Variants in FAM9C observed in about 807,000 individuals in gnomAD.
The protein encoded by FAM9C is protein FAM9C.
In FAM9C, 15 loss-of-function variants were observed where a neutral mutation model predicts 14.8. The observed-to-expected ratio is 1.02, with a 90% CI of 0.68 to 1.56. The LOEUF is 1.56. Among genes scored for constraint, FAM9C ranks in the 40% most tolerant of loss-of-function variants. The pLI is 0.00. For synonymous variants in FAM9C, 45 were observed against 37.5 expected (o/e 1.20, Z -0.74); for missense variants, 116 against 118.0 (o/e 0.98, Z 0.08).
chrX:13,043,709 T>C lies in FAM9C; in HGVS notation c.61+20A>G, dbSNP rs1286211024. 1 of 1,209,526 alleles carries C rather than the reference T, an allele frequency of 8.3e-7. No homozygotes were observed. The highest frequency in any genetic ancestry group is 1.1e-6 in the Non-Finnish European group (1 of 894,164). On this transcript the variant is annotated intron_variant, in intron 2 of 7. Transcript: ENST00000380625. ...TGTTGGGCGTGCACCTTCTTCTAGGTCCCCTTGGGCTGTGTTTACCTGCAA... is the reference window on the plus strand; with the variant it reads ...TGTTGGGCGTGCACCTTCTTCTAGGCCCCCTTGGGCTGTGTTTACCTGCAA...
intron 1 of FAM9C, 119 bp from the exon 2 acceptor site, chrX:13,043,976 GAGA>G (rs2043552417): frequency 2.2e-6 from 1 of 445,659 alleles, no homozygotes; most frequent in Non-Finnish European, 3.9e-6. Flanking sequence ...AGGGGACGCG[GAGA>G]AGATGCCATC....
intron 4 of FAM9C, 34 bp from the exon 5 acceptor site, chrX:13,040,906 T>C (rs1249739519): frequency 8.9e-6 from 8 of 898,446 alleles, no homozygotes; most frequent in Non-Finnish European, 6.1e-6. Context: ...TAAATGTTCA[T>C]GTTGAAAAGT....
chrX:13,038,618 C>T, intron 6 of FAM9C, 115 bp from the exon 7 acceptor site: 1 of 632,163 alleles, frequency 1.6e-6, no homozygotes, highest in Non-Finnish European at 2.3e-6. Context: ...TTCTTTTAGA[C>T]AACGTTTATG....
chrX:13,044,322 C>CCG (rs56280051), intron 1 of FAM9C, among the ~76,000 whole-genome samples: 2 of 40,864 alleles, frequency 4.9e-5, no homozygotes, highest in African/African-American at 6.6e-5. Context: ...GACCCCCCGA[C>CCG]CCCCCCCCAA....
At chrX:13,042,792 T>C in intron 4 of FAM9C, 126 bp downstream of exon 4, 1 of 715,071 alleles carries the variant, frequency 1.4e-6, no homozygotes, top group East Asian at 3.4e-5. Context: ...CAGATTACAT[T>C]AAATGCTATA....
At chrX:13,037,230 A>T (rs1359619061) in intron 7 of FAM9C, 1 of 112,294 alleles carries the variant, frequency 8.9e-6, no homozygotes, top group African/African-American at 3.3e-5. Context: ...AACTCAGAAA[A>T]GAGTTTAATA....
chrX:13,039,298 C>T (rs2043505288), intron 6 of FAM9C, among the ~76,000 whole-genome samples: 1 of 111,341 alleles, frequency 9.0e-6, no homozygotes, highest in Admixed American at 9.6e-5. Context: ...ATCTGTTTCT[C>T]CATCTTCCCA....
At chrX:13,043,367 G>C in intron 2 of FAM9C, 119 bp from the exon 3 acceptor site, 1 of 958,859 alleles carries the variant, frequency 1.0e-6, no homozygotes, top group Admixed American at 3.2e-5. Context: ...AAGCTTTACC[G>C]CAGAGCTATA....
chrX:13,043,092 CT>C (rs1171340808), intron 3 of FAM9C, 35 bp downstream of exon 3: 1 of 1,192,098 alleles, frequency 8.4e-7, no homozygotes, highest in East Asian at 3.0e-5. Flanking sequence ...CCTAAAAGAC[CT>C]TATCTGACAG....
chrX:13,037,428 T>C (rs972003670), intron 7 of FAM9C: 2 of 113,064 alleles, frequency 1.8e-5, no homozygotes, highest in African/African-American at 6.5e-5. Flanking sequence ...AGCATTAACA[T>C]TGACAGGAAA....
At chrX:13,043,655 T>C in intron 2 of FAM9C, 74 bp downstream of exon 2, 1 of 1,161,664 alleles carries the variant, frequency 8.6e-7, no homozygotes, top group South Asian at 1.8e-5. Context: ...GGGCTGCCCA[T>C]GTGCGCCCCG....
chrX:13,043,154 AG>A lies in FAM9C; in HGVS notation c.155del (p.Ser52PhefsTer16). 8.3e-7 allele frequency: 1 copy of A among 1,210,191 alleles called. No individual in the cohort carries two copies. The highest frequency in any genetic ancestry group is 1.1e-6 in the Non-Finnish European group (1 of 895,048). On this transcript the variant is annotated frameshift_variant, in exon 3 of 8. Transcript: ENST00000380625. LOFTEE classifies it high-confidence loss of function. ...CCGTGTGTTCATCTGTTTCAGCAAA[AG>A]ATCCTCTTTCCCCATGCTCATCAGT... is the stretch of plus-strand genomic sequence containing the variant. ...DVTDEHGERGSFAETDEHTGV... is the reference protein window; with the variant it reads ...DVTDEHGERGXFAETDEHTGV...
intron 5 of FAM9C, chrX:13,040,240 G>A (rs1359326032): frequency 8.9e-6 from 6 of 675,559 alleles, no homozygotes; most frequent in Admixed American, 8.8e-5. Context: ...TAACATATGC[G>A]TTCTCATAAG....
At chrX:13,039,645 T>C (rs1251962331) in intron 6 of FAM9C, among the ~76,000 whole-genome samples, 163 bp downstream of exon 6, 1 of 112,298 alleles carries the variant, frequency 8.9e-6, no homozygotes, top group Non-Finnish European at 1.9e-5. Flanking sequence ...GTTGGACCCC[T>C]AATGCTGCAT....
rs370293223 is a variant in FAM9C, at chrX:13,043,707, G to T, written c.61+22C>A. 31 of 1,209,304 alleles carry T rather than the reference G, an allele frequency of 2.6e-5. No individual in the cohort carries two copies. In the African/African-American group the frequency reaches 5.1e-4, roughly 20 times the overall value. On this transcript the variant is annotated intron_variant, in intron 2 of 7. Transcript: ENST00000380625. Reference sequence around the variant, plus strand: ...ACTGTTGGGCGTGCACCTTCTTCTAGGTCCCCTTGGGCTGTGTTTACCTGC... The same window carrying T: ...ACTGTTGGGCGTGCACCTTCTTCTATGTCCCCTTGGGCTGTGTTTACCTGC...
chrX:13,038,555 A>G (rs1404441061), intron 6 of FAM9C, 52 bp from the exon 7 acceptor site: 2 of 1,059,491 alleles, frequency 1.9e-6, no homozygotes, highest in Non-Finnish European at 2.6e-6. Context: ...TTTAATACTT[A>G]TAAAACATTC....
At chrX:13,041,348 T>C (rs2043525543) in intron 4 of FAM9C, 1 of 111,073 alleles carries the variant, frequency 9.0e-6, no homozygotes, top group Non-Finnish European at 1.9e-5. Context: ...CTAATTTTTA[T>C]ATTTTTAGTG....
Position 13,042,930 on chromosome X carries a change from C to G in FAM9C, c.202G>C (p.Glu68Gln), listed in dbSNP as rs752078012. 2.5e-6 allele frequency: 3 copies of G among 1,201,000 alleles called. No homozygotes were observed. Among genetic ancestry groups the G allele is most frequent in the Non-Finnish European group, 3.4e-6 (3 of 891,350 alleles). Reference sequence around the variant, plus strand: ...TCGTAAAACATACCTGCAATATCTTCTAGCTCCTTGGTATCAACCCTGTAA... The same window carrying G: ...TCGTAAAACATACCTGCAATATCTTGTAGCTCCTTGGTATCAACCCTGTAA... ...EHTGVDTKELEDIAADIKEHL... is the reference protein window; with the variant it reads ...EHTGVDTKELQDIAADIKEHL... The change falls in exon 4 of 8, where the codon GAA (glutamate) becomes CAA (glutamine). Residue 68 changes from glutamate to glutamine, a missense_variant. Transcript: ENST00000380625.
At chrX:13,041,450 G>T (rs1206057208) in intron 4 of FAM9C, 1 of 111,616 alleles carries the variant, frequency 9.0e-6, no homozygotes, top group African/African-American at 3.3e-5. Flanking sequence ...TGGGATTACA[G>T]GTGTGAGCAA....
Sources: gnomAD v4.1 joint callset for allele counts (sites outside exome capture counted in the v4.1 genomes callset) on GRCh38, gnomAD v4.1.1 for gene constraint, MANE v1.5 for transcripts, NCBI Gene and HGNC (gene_info 2026-07-23, HGNC 2026-07-21) for gene names.